The following EYA1 variants were observed in gnomAD, a reference collection of about 807,000 sequenced individuals.
EYA1 encodes EYA transcriptional coactivator and phosphatase 1, also known as protein phosphatase EYA1.
A neutral mutation model predicts 82.0 loss-of-function variants in EYA1; 16 were observed. The ratio of observed to expected loss-of-function variants is 0.20; its 90% CI spans 0.13 to 0.30. The LOEUF is 0.30. Among genes scored for constraint, EYA1 ranks in the 10% least tolerant of loss-of-function variants. EYA1 has a pLI of 1.00. For missense variants in EYA1, 633 were observed against 730.7 expected, an observed-to-expected ratio of 0.87 and a Z score of 1.54; for synonymous variants, 261 against 264.4, an observed-to-expected ratio of 0.99 and a Z score of 0.12.
chr8:71,400,577 C>T lies in EYA1; in HGVS notation c.34-44066G>A, dbSNP rs111458948. Among the ~76,000 whole-genome samples the T allele has an allele frequency of 2.1e-3, 324 of 152,164 alleles. 1 individual carries two copies. The highest frequency in any genetic ancestry group is 7.2e-3 in the African/African-American group (299 of 41,510). On this transcript the variant is annotated intron_variant, in intron 2 of 18. Transcript: ENST00000643681. Reference sequence around the variant, plus strand: ...TCATTTAAGAAATGCAAATAAAAACCACAGTGAGATGCCATTTCGCATCAG... The same window carrying T: ...TCATTTAAGAAATGCAAATAAAAACTACAGTGAGATGCCATTTCGCATCAG...
At chr8:71,239,551 AAGTAT>A (rs1812229304) in intron 12 of EYA1, among the ~76,000 whole-genome samples, 1 of 152,240 alleles carries the variant, frequency 6.6e-6, no homozygotes, top group South Asian at 2.1e-4. Flanking sequence ...GAAAATCACC[AAGTAT>A]ACCAGTCTGT....
intron 2 of EYA1, among the ~76,000 whole-genome samples, chr8:71,372,649 T>C (rs1586574471): frequency 6.6e-6 from 1 of 152,162 alleles, no homozygotes; most frequent in East Asian, 1.9e-4. Context: ...TTCATGAAGA[T>C]GAGGGAATTG....
At chr8:71,493,525 G>T (rs1446165804) in intron 2 of EYA1, among the ~76,000 whole-genome samples, 4 of 152,112 alleles carry the variant, frequency 2.6e-5, no homozygotes, top group African/African-American at 9.7e-5. Flanking sequence ...AGACCAGGGA[G>T]AATTAATTAC....
intron 9 of EYA1, among the ~76,000 whole-genome samples, chr8:71,274,921 A>AGCACGAGAGCAAGCGAGT (rs1265633493): frequency 1.0e-5 from 1 of 97,982 alleles, no homozygotes; most frequent in Non-Finnish European, 2.1e-5. Context: ...CGAGAGAGAG[A>AGCACGAGAGCAAGCGAGT]GAATGAGAGC....
At chr8:71,536,496 A>C (rs557048905) in intron 1 of EYA1, among the ~76,000 whole-genome samples, 1 of 152,166 alleles carries the variant, frequency 6.6e-6, no homozygotes, top group African/African-American at 2.4e-5. Context: ...TATATTCTAC[A>C]TGTAGCTATC....
chr8:71,234,651 T>A, intron 12 of EYA1, among the ~76,000 whole-genome samples: 1 of 151,048 alleles, frequency 6.6e-6, no homozygotes, highest in East Asian at 1.9e-4. Context: ...TCTTCAAAGC[T>A]CTTCTTCTTG....
chr8:71,376,315 G>A (rs1281602124), intron 2 of EYA1, among the ~76,000 whole-genome samples: 1 of 152,166 alleles, frequency 6.6e-6, no homozygotes, highest in Non-Finnish European at 1.5e-5. Context: ...GAAAGAACAG[G>A]GCCAGGGCTG....
intron 2 of EYA1, among the ~76,000 whole-genome samples, chr8:71,400,571 A>G (rs1399502215): frequency 3.3e-5 from 5 of 152,246 alleles, no homozygotes; most frequent in Admixed American, 3.3e-4. Flanking sequence ...AAATGCAAAT[A>G]AAAACCACAG....
chr8:71,456,744 T>C (rs1442172472), intron 2 of EYA1, among the ~76,000 whole-genome samples: 5 of 152,172 alleles, frequency 3.3e-5, no homozygotes, highest in African/African-American at 9.7e-5. Flanking sequence ...CCTTATGTCT[T>C]ATACAAAAAT....
Position 71,301,059 on chromosome 8 carries a change from C to T in EYA1, c.557-1339G>A, listed in dbSNP as rs950301025. ...CATTTTTTAAAAAGTTAGAGTTTTA[C>T]GGCAAATGAGCAGTATAGGCCATAA... On this transcript the variant is annotated intron_variant, in intron 7 of 17. Transcript: ENST00000340726. Among the ~76,000 whole-genome samples, 9 of 152,204 alleles carry T rather than the reference C, an allele frequency of 5.9e-5. No homozygotes were observed. The South Asian group carries it at 1.2e-3, about 21-fold the overall frequency.
chr8:71,335,958 G>A (rs1156572356), intron 3 of EYA1, among the ~76,000 whole-genome samples: 1 of 152,094 alleles, frequency 6.6e-6, no homozygotes, highest in Non-Finnish European at 1.5e-5. Context: ...ATGGAAACAG[G>A]TCCTGTAAAG....
chr8:71,334,237 G>A lies in EYA1; in HGVS notation c.125-63C>T, dbSNP rs368920794. The A allele has an allele frequency of 5.0e-5, 60 of 1,204,180 alleles. 1 individual carries two copies. The highest frequency in any genetic ancestry group is 6.4e-5 in the Non-Finnish European group (52 of 806,896). The allele number at this position is 1,204,180 out of a possible 1,614,324, so 74.6% of individuals were successfully genotyped here. On this transcript the variant is annotated intron_variant, in intron 3 of 17. Coordinates refer to ENST00000340726, the MANE Select transcript of EYA1 (RefSeq NM_000503.6). ...TAGTTATTTGTAAAGACATGGAAGA[G>A]AAGATATAACATTCAGAGTAATGAC...
intron 2 of EYA1, among the ~76,000 whole-genome samples, chr8:71,463,575 TTCTCTCTCTCTCTCTC>T (rs776367934): frequency 0.11 from 4,597 of 41,014 alleles, 259 homozygotes; most frequent in Admixed American, 0.13. Flanking sequence ...AATACATGCT[TTCTCTCTCTCTCTCTC>T]TCTCTCTCTC....
intron 2 of EYA1, among the ~76,000 whole-genome samples, chr8:71,464,352 C>A (rs1187633229): frequency 1.3e-5 from 2 of 152,174 alleles, no homozygotes; most frequent in Admixed American, 6.5e-5. Flanking sequence ...GACAAATGTG[C>A]ATTGCAGCTT....
intron 11 of EYA1, among the ~76,000 whole-genome samples, chr8:71,247,118 A>G (rs748958255): frequency 2.9e-4 from 44 of 150,288 alleles, no homozygotes; most frequent in Non-Finnish European, 5.6e-4. Flanking sequence ...CTCTTGGCAC[A>G]GCTCACTTCC....
At chr8:71,318,806 C>A (rs74642284) in intron 6 of EYA1, among the ~76,000 whole-genome samples, 3,598 of 152,246 alleles carry the variant, frequency 0.024, 138 homozygotes, top group African/African-American at 0.082. Context: ...GTGGGAGAAT[C>A]TGACTCTTGG....
At chr8:71,499,239 T>C (rs780653551) in intron 2 of EYA1, among the ~76,000 whole-genome samples, 152 of 152,216 alleles carry the variant, frequency 1.0e-3, no homozygotes, top group Non-Finnish European at 1.9e-3. Context: ...CTAAATCCAG[T>C]TGGTCCTTTC....
In EYA1 at chr8:71,293,354, C is replaced by T. The variant is rs1819211088; in HGVS notation, c.826+5693G>A. On this transcript the variant is annotated intron_variant, in intron 9 of 17. Coordinates refer to ENST00000340726, the MANE Select transcript of EYA1 (RefSeq NM_000503.6). ...GTTCCCTGGTAAATTTCATCAAATA[C>T]TTAAGAAAAAGAATGATTACAATTC... Among the ~76,000 whole-genome samples the T allele has an allele frequency of 2.0e-5, 3 of 152,032 alleles. No individual in the cohort carries two copies. The South Asian group carries it at 6.2e-4, about 32-fold the overall frequency.
chr8:71,534,653 C>G (rs527774754), intron 2 of EYA1, among the ~76,000 whole-genome samples: 60 of 152,218 alleles, frequency 3.9e-4, no homozygotes, highest in Admixed American at 3.9e-3. Context: ...AGCACAGGAA[C>G]AGAAAACGAA....
Sources: allele counts gnomAD v4.1 joint callset (sites outside exome capture counted in the v4.1 genomes callset), GRCh38; gene constraint gnomAD v4.1.1; transcripts MANE v1.5; gene names NCBI Gene and HGNC (gene_info 2026-07-23, HGNC 2026-07-21).